GAB2: variants seen among roughly 807,000 people sequenced by gnomAD.
GAB2 encodes the protein GRB2 associated binding protein 2, also known as GRB2-associated-binding protein 2.
A neutral mutation model predicts 65.5 loss-of-function variants in GAB2; 26 were observed. The observed-to-expected ratio is 0.40, with a 90% CI of 0.29 to 0.55. The LOEUF is 0.55. GAB2 is among the 20% of genes least tolerant of loss of function. GAB2 has a pLI of 0.53. For synonymous variants in GAB2, 321 were observed against 329.6 expected, an observed-to-expected ratio of 0.97 and a Z score of 0.28; for missense variants, 884 against 875.8, an observed-to-expected ratio of 1.01 and a Z score of -0.12.
At chr11:78,289,455 A>C (rs886448695) in intron 1 of GAB2, among the ~76,000 whole-genome samples, 2 of 152,240 alleles carry the variant, frequency 1.3e-5, no homozygotes, top group Admixed American at 1.3e-4. Flanking sequence ...ATTTCATGAG[A>C]AATCAACAAG....
chr11:78,416,779 TAAAA>T (rs5792806), intron 1 of GAB2, among the ~76,000 whole-genome samples: 10 of 116,194 alleles, frequency 8.6e-5, no homozygotes, highest in Admixed American at 2.6e-4. Context: ...GGAGAGGGGT[TAAAA>T]AAAAAAAAAA....
intron 1 of GAB2, 52 bp downstream of exon 1, chr11:78,417,594 C>T: frequency 2.9e-6 from 3 of 1,041,126 alleles, no homozygotes; most frequent in South Asian, 4.3e-5. Flanking sequence ...CGCCCCTCCG[C>T]AGGCCCCGGA....
At chr11:78,223,982 T>G (rs1236254177) in intron 5 of GAB2, among the ~76,000 whole-genome samples, 2 of 152,108 alleles carry the variant, frequency 1.3e-5, no homozygotes, top group African/African-American at 4.8e-5. Context: ...CTCAGGAGGC[T>G]GAGGCACGAG....
intron 1 of GAB2, among the ~76,000 whole-genome samples, chr11:78,297,045 A>G (rs1360451489): frequency 6.6e-6 from 1 of 152,170 alleles, no homozygotes; most frequent in African/African-American, 2.4e-5. Flanking sequence ...AGATTTCAAC[A>G]TACACGTTTT....
chr11:78,409,195 T>G (rs1335096116), intron 1 of GAB2, among the ~76,000 whole-genome samples: 1 of 152,068 alleles, frequency 6.6e-6, no homozygotes, highest in Non-Finnish European at 1.5e-5. Context: ...CAAGTAGACC[T>G]CAGAGCAAAA....
intron 3 of GAB2, among the ~76,000 whole-genome samples, chr11:78,231,627 C>T (rs989856169): frequency 2.0e-5 from 3 of 152,172 alleles, no homozygotes; most frequent in African/African-American, 4.8e-5. Context: ...GGATTACAGG[C>T]GTGAGCCACT....
At chr11:78,309,681 T>G (rs549133971) in intron 1 of GAB2, among the ~76,000 whole-genome samples, 5 of 152,164 alleles carry the variant, frequency 3.3e-5, no homozygotes, top group African/African-American at 1.2e-4. Context: ...ACAATGATAT[T>G]CAACTGGTCT....
chr11:78,228,165 G>T (rs1257178677), intron 3 of GAB2, among the ~76,000 whole-genome samples: 2 of 152,162 alleles, frequency 1.3e-5, no homozygotes, highest in African/African-American at 4.8e-5. Context: ...GGGCCCATCT[G>T]GCCCCGATGC....
At chr11:78,367,625 C>T (rs1035813102) in intron 1 of GAB2, among the ~76,000 whole-genome samples, 3 of 152,102 alleles carry the variant, frequency 2.0e-5, no homozygotes. Context: ...AGATACCAGT[C>T]TATAATCTGT....
chr11:78,251,791 C>G lies in GAB2; in HGVS notation c.377-1391G>C, dbSNP rs1865463083. The stretch of plus-strand genomic sequence containing the variant: ...CACTTGGCCCATGCTCCCATTATAT[C>G]CATGGTCACTATGCTTCCTTGTCTA... On this transcript the variant is annotated intron_variant, in intron 2 of 9. Transcript: ENST00000361507. 2.0e-5 allele frequency among the ~76,000 whole-genome samples: 3 copies of G among 152,212 alleles called. No homozygotes were observed. In the South Asian group the frequency reaches 6.2e-4, roughly 32 times the overall value.
intron 1 of GAB2, among the ~76,000 whole-genome samples, chr11:78,395,568 G>T (rs1156627658): frequency 6.6e-6 from 1 of 152,186 alleles, no homozygotes; most frequent in Non-Finnish European, 1.5e-5. Context: ...TTTTCAAATG[G>T]TCAACTTTCA....
Position 78,226,747 on chromosome 11 carries a change from G to A in GAB2, c.925C>T (p.Leu309Phe), listed in dbSNP as rs906657567. The A allele has an allele frequency of 6.2e-7, 1 of 1,613,938 alleles. No individual in the cohort carries two copies. The highest frequency in any genetic ancestry group is 8.5e-7 in the Non-Finnish European group (1 of 1,179,996). ...GGAACATCCATATTGTCTACCAGGA[G>A]GTCCCCGAACTCCCTGCACAGGGTG... ...SNTLCREFGDLLVDNMDVPAT... is the reference protein window; with the variant it reads ...SNTLCREFGDFLVDNMDVPAT... The change falls in exon 4 of 10, where the codon CTC becomes TTC. Residue 309 changes from leucine (L) to phenylalanine (F), a missense_variant. Transcript: ENST00000361507.
Position 78,245,174 on chromosome 11 carries a change from G to A in GAB2, c.620+4983C>T, listed in dbSNP as rs572133800. On this transcript the variant is annotated intron_variant, in intron 3 of 9. Coordinates refer to ENST00000361507, the MANE Select transcript of GAB2 (RefSeq NM_080491.3). ...GGCCTGAGGGAAGGGGAAATGGGGA[G>A]TTGTTGAATGGTTAGAATTTCAGTT... Among the ~76,000 whole-genome samples, 596 of 152,266 alleles carry A rather than the reference G, an allele frequency of 3.9e-3. 3 individuals are homozygous for A. Among genetic ancestry groups the A allele is most frequent in the Middle Eastern group, 0.014 (4 of 294 alleles).
intron 1 of GAB2, among the ~76,000 whole-genome samples, chr11:78,400,077 G>A (rs1472642124): frequency 6.6e-6 from 1 of 152,096 alleles, no homozygotes; most frequent in East Asian, 1.9e-4. Context: ...TACCATCTAA[G>A]GCATTTACTG....
chr11:78,260,343 T>G (rs1865695264), intron 2 of GAB2, among the ~76,000 whole-genome samples: 1 of 152,168 alleles, frequency 6.6e-6, no homozygotes, highest in Non-Finnish European at 1.5e-5. Flanking sequence ...AGAGAGCGAG[T>G]GACTGTAGCT....
chr11:78,220,547 A>T, intron 8 of GAB2, 103 bp from the exon 9 acceptor site: 1 of 927,942 alleles, frequency 1.1e-6, no homozygotes, highest in East Asian at 2.6e-5. Context: ...CCTGAGCCCT[A>T]CTCTGACACA....
intron 1 of GAB2, among the ~76,000 whole-genome samples, chr11:78,313,847 A>T (rs764381409): frequency 3.9e-5 from 6 of 152,244 alleles, no homozygotes; most frequent in Non-Finnish European, 8.8e-5. Flanking sequence ...CAAATTGAAA[A>T]TAAGGTATCA....
At chr11:78,335,132 TG>T (rs1435225898) in intron 1 of GAB2, among the ~76,000 whole-genome samples, 11 of 152,256 alleles carry the variant, frequency 7.2e-5, no homozygotes, top group Non-Finnish European at 1.5e-4. Context: ...TTATATTTTC[TG>T]GTTATTAATC....
At chr11:78,346,631 A>C (rs1019626191) in intron 1 of GAB2, among the ~76,000 whole-genome samples, 12 of 142,302 alleles carry the variant, frequency 8.4e-5, no homozygotes, top group African/African-American at 2.6e-4. Context: ...ATTAATGAGA[A>C]GCAAGAACAG....
Sources: allele counts gnomAD v4.1 joint callset (sites outside exome capture counted in the v4.1 genomes callset), GRCh38; gene constraint gnomAD v4.1.1; transcripts MANE v1.5; gene names NCBI Gene and HGNC (gene_info 2026-07-23, HGNC 2026-07-21).